MAF: variants seen among roughly 807,000 people sequenced by gnomAD.
MAF encodes the protein MAF bZIP transcription factor, also known as transcription factor Maf.
MAF carries 10 observed loss-of-function variants against 22.0 expected under a neutral mutation model. That is an observed-to-expected ratio of 0.45 (90% CI 0.28 to 0.77). The LOEUF is 0.77. Ranked by LOEUF, MAF falls within the 30% of genes least tolerant of loss-of-function variation. The probability of loss-of-function intolerance (pLI) is 0.12; values close to 1 mark genes in which losing one functional copy is unlikely to be tolerated. For missense variants in MAF, 544 were observed against 548.4 expected, an observed-to-expected ratio of 0.99 and a Z score of 0.08; for synonymous variants, 337 against 255.8, an observed-to-expected ratio of 1.32 and a Z score of -3.03.
the MAF span, among the ~76,000 whole-genome samples, chr16:79,220,675 A>G: frequency 6.6e-6 from 1 of 152,076 alleles, no homozygotes; most frequent in Admixed American, 6.6e-5. Flanking sequence ...GGAACTCTTT[A>G]TTTTCTTAAC....
At chr16:79,493,148 G>T in the MAF span, among the ~76,000 whole-genome samples, 50 of 140,942 alleles carry the variant, frequency 3.5e-4, no homozygotes, top group South Asian at 6.8e-4. Context: ...TTTTTGTTTT[G>T]TTTTGTCTTG....
chr16:79,211,089 C>A, the MAF span, among the ~76,000 whole-genome samples: 1 of 149,744 alleles, frequency 6.7e-6, no homozygotes, highest in African/African-American at 2.4e-5. Flanking sequence ...ATTGCCAACC[C>A]TTCCCCTAGC....
the MAF span, among the ~76,000 whole-genome samples, chr16:79,345,887 AT>A: frequency 3.8e-3 from 558 of 147,678 alleles, 3 homozygotes; most frequent in African/African-American, 9.5e-3. Flanking sequence ...TTGTTTACTT[AT>A]TTTTTTTTTG....
At chr16:79,575,675 G>A in the MAF span, among the ~76,000 whole-genome samples, 2 of 152,180 alleles carry the variant, frequency 1.3e-5, no homozygotes, top group African/African-American at 2.4e-5. Flanking sequence ...TGTGCAAAAA[G>A]AGAAAAGGGA....
chr16:79,286,314 C>T, the MAF span, among the ~76,000 whole-genome samples: 1 of 152,266 alleles, frequency 6.6e-6, no homozygotes, highest in African/African-American at 2.4e-5. Context: ...AAAGTGAAGC[C>T]TACAGAAACT....
At chr16:79,414,922 T>G in the MAF span, among the ~76,000 whole-genome samples, 1 of 152,236 alleles carries the variant, frequency 6.6e-6, no homozygotes, top group African/African-American at 2.4e-5. Flanking sequence ...GGGATTTCCA[T>G]GTCATAGGGT....
chr16:79,291,286 G>A, the MAF span, among the ~76,000 whole-genome samples: 2 of 152,122 alleles, frequency 1.3e-5, no homozygotes, highest in Admixed American at 6.5e-5. Flanking sequence ...CTTCCTGTAG[G>A]TTTGGACAGT....
the MAF span, among the ~76,000 whole-genome samples, chr16:79,478,963 T>C: frequency 6.6e-6 from 1 of 152,200 alleles, no homozygotes. Flanking sequence ...ACCATCTTAA[T>C]GCACCCGTGC....
the MAF span, among the ~76,000 whole-genome samples, chr16:79,576,129 G>C: frequency 6.7e-6 from 1 of 149,676 alleles, no homozygotes; most frequent in East Asian, 2.0e-4. Context: ...TTGTATCACT[G>C]CTCTTGCTTT....
At chr16:79,531,022 G>A in the MAF span, among the ~76,000 whole-genome samples, 2 of 152,098 alleles carry the variant, frequency 1.3e-5, no homozygotes, top group African/African-American at 4.8e-5. Context: ...GGGTAATGTC[G>A]CCATTCCCCA....
the MAF span, chr16:79,203,576 C>T: frequency 6.7e-6 from 1 of 148,754 alleles, no homozygotes. Context: ...AATGAACTGT[C>T]AACCTTAAAA....
the MAF span, among the ~76,000 whole-genome samples, chr16:79,341,337 G>A: frequency 6.6e-6 from 1 of 152,180 alleles, no homozygotes; most frequent in African/African-American, 2.4e-5. Flanking sequence ...AATTAAATGA[G>A]CTCATGCTGT....
the MAF span, among the ~76,000 whole-genome samples, chr16:79,328,658 T>A: frequency 3.9e-5 from 6 of 152,300 alleles, no homozygotes; most frequent in African/African-American, 1.4e-4. Context: ...ACTGTGTGAT[T>A]TGGGAGTCTT....
chr16:79,370,717 C>T, the MAF span, among the ~76,000 whole-genome samples: 4 of 152,274 alleles, frequency 2.6e-5, no homozygotes, highest in East Asian at 5.8e-4. Flanking sequence ...ATATCAGATC[C>T]ACTGCTTTTC....
At chr16:79,553,011 G>A in the MAF span, among the ~76,000 whole-genome samples, 2 of 152,186 alleles carry the variant, frequency 1.3e-5, no homozygotes, top group Non-Finnish European at 2.9e-5. Context: ...TGGGATATAG[G>A]CAAATTGGGG....
chr16:79,559,028 G>T, the MAF span, among the ~76,000 whole-genome samples: 4 of 151,978 alleles, frequency 2.6e-5, no homozygotes, highest in Non-Finnish European at 5.9e-5. Context: ...TTTCAATCTC[G>T]CCTGGTGGCT....
At chr16:79,583,373 AT>A (rs1163156479), downstream of MAF, among the ~76,000 whole-genome samples, 32 of 152,318 alleles carry the variant, frequency 2.1e-4, no homozygotes, top group African/African-American at 6.7e-4. Context: ...TAGAAAAAAA[AT>A]ATCGATGGGT....
chr16:79,550,308 G>A, the MAF span, among the ~76,000 whole-genome samples: 1 of 151,736 alleles, frequency 6.6e-6, no homozygotes, highest in Non-Finnish European at 1.5e-5. Flanking sequence ...TAGGAAAGAG[G>A]ACACCCCTGC....
At chr16:79,536,937 G>T in the MAF span, among the ~76,000 whole-genome samples, 17 of 152,300 alleles carry the variant, frequency 1.1e-4, no homozygotes, top group East Asian at 2.7e-3. Context: ...TTACCTCACA[G>T]ATACTGAGGG....
Sources: gnomAD v4.1 joint callset for allele counts (sites outside exome capture counted in the v4.1 genomes callset) on GRCh38, gnomAD v4.1.1 for gene constraint, MANE v1.5 for transcripts, NCBI Gene and HGNC (gene_info 2026-07-23, HGNC 2026-07-21) for gene names.